ZNF804A: variants seen among roughly 807,000 people sequenced by gnomAD.
ZNF804A encodes zinc finger protein 804A.
Under a neutral mutation model 16.5 loss-of-function variants are expected in ZNF804A, and 2 were observed. That is an observed-to-expected ratio of 0.12 (90% CI 0.05 to 0.38). The LOEUF (loss-of-function observed/expected upper bound fraction) is 0.38. ZNF804A is among the 10% of genes least tolerant of loss of function. The pLI, the probability that ZNF804A is intolerant of heterozygous loss-of-function variation, is 0.99. For synonymous variants in ZNF804A, 534 were observed against 489.6 expected, an observed-to-expected ratio of 1.09 and a Z score of -1.20; for missense variants, 1,473 against 1,390.7, an observed-to-expected ratio of 1.06 and a Z score of -0.94.
chr2:184,775,800 A>G (rs1407715539), intron 1 of ZNF804A, among the ~76,000 whole-genome samples: 1 of 151,656 alleles, frequency 6.6e-6, no homozygotes, highest in African/African-American at 2.4e-5. Context: ...AATTCTCATT[A>G]CCAAAAATGA....
chr2:184,929,538 T>A (rs979376580), intron 2 of ZNF804A, among the ~76,000 whole-genome samples: 16 of 152,132 alleles, frequency 1.1e-4, no homozygotes, highest in Non-Finnish European at 1.6e-4. Context: ...ACTTTTATAC[T>A]AAAGATTTTA....
rs141939653 is a variant in ZNF804A at position 184,698,488 on chromosome 2, C to A, written c.111+99418C>A. Among the ~76,000 whole-genome samples the A allele has an allele frequency of 2.1e-3, 325 of 152,150 alleles. 1 individual carries two copies. Among genetic ancestry groups the A allele is most frequent in the Middle Eastern group, 6.8e-3 (2 of 294 alleles). On this transcript the variant is annotated intron_variant, in intron 1 of 3. Coordinates refer to ENST00000302277, the MANE Select transcript of ZNF804A (RefSeq NM_194250.2). ...CTGAGTTAATTTATTCCGCCTTAAC[C>A]TTTGTAACTTCAATTGTTTTTTGAG... is the stretch of plus-strand genomic sequence containing the variant.
chr2:184,636,561 G>A (rs1691702552), intron 1 of ZNF804A, among the ~76,000 whole-genome samples: 1 of 138,150 alleles, frequency 7.2e-6, no homozygotes, highest in Non-Finnish European at 1.6e-5. Flanking sequence ...GTGTGTGTGT[G>A]TGTGTGTGTG....
chr2:184,904,448 T>A (rs954638908), intron 2 of ZNF804A, among the ~76,000 whole-genome samples: 6 of 152,052 alleles, frequency 3.9e-5, no homozygotes, highest in Non-Finnish European at 7.4e-5. Flanking sequence ...AATAGTCGAC[T>A]AAGTTGCTCA....
intron 1 of ZNF804A, among the ~76,000 whole-genome samples, chr2:184,845,546 G>A (rs559501181): frequency 6.6e-6 from 1 of 152,168 alleles, no homozygotes; most frequent in African/African-American, 2.4e-5. Flanking sequence ...AAGGCTATGG[G>A]GTCTGGACTG....
intron 2 of ZNF804A, among the ~76,000 whole-genome samples, chr2:184,889,205 G>GTATT (rs1684944060): frequency 6.6e-6 from 1 of 150,746 alleles, no homozygotes; most frequent in South Asian, 2.1e-4. Context: ...GTTTCTTTCA[G>GTATT]TATTTAAATT....
At chr2:184,745,666 A>T (rs1693779766) in intron 1 of ZNF804A, among the ~76,000 whole-genome samples, 1 of 151,550 alleles carries the variant, frequency 6.6e-6, no homozygotes, top group African/African-American at 2.4e-5. Flanking sequence ...GCATTAACAG[A>T]TATCCCATTT....
At chr2:184,738,588 C>G (rs1693669097) in intron 1 of ZNF804A, among the ~76,000 whole-genome samples, 1 of 152,016 alleles carries the variant, frequency 6.6e-6, no homozygotes, top group Non-Finnish European at 1.5e-5. Flanking sequence ...CTTTTTAGTC[C>G]CATTATATTC....
chr2:184,883,125 C>T (rs928657223), intron 2 of ZNF804A, among the ~76,000 whole-genome samples: 2 of 151,900 alleles, frequency 1.3e-5, no homozygotes, highest in Admixed American at 1.3e-4. Flanking sequence ...CACAGAAATA[C>T]AAAAAGATCT....
intron 1 of ZNF804A, among the ~76,000 whole-genome samples, chr2:184,715,538 C>T (rs1485432871): frequency 2.0e-5 from 3 of 151,966 alleles, no homozygotes; most frequent in Non-Finnish European, 4.4e-5. Context: ...CAGGCATATG[C>T]CACCATGCTC....
At chr2:184,834,031 T>A (rs1249845376) in intron 1 of ZNF804A, among the ~76,000 whole-genome samples, 3 of 152,100 alleles carry the variant, frequency 2.0e-5, no homozygotes, top group African/African-American at 7.2e-5. Context: ...TATTTTAGCA[T>A]CTATTAATGA....
chr2:184,598,998 C>T lies in ZNF804A; in HGVS notation c.39C>T (p.Leu13=), dbSNP rs1179081448. The T allele has an allele frequency of 1.2e-6, 2 of 1,613,970 alleles. No individual in the cohort carries two copies. Among genetic ancestry groups the T allele is most frequent in the Non-Finnish European group, 1.7e-6 (2 of 1,179,940 alleles). The stretch of plus-strand genomic sequence containing the variant: ...ACATTGTCATCAGCTCCACGCATCT[C>T]AGCAACGGACACTTTCGCAACATCA... ...CYYIVISSTH[L]SNGHFRNIKG... is the part of the protein sequence containing the mutation. Residue 13 remains leucine (L), a synonymous_variant, in exon 1 of 4, where the codon CTC becomes CTT. Coordinates refer to ENST00000302277, the MANE Select transcript of ZNF804A (RefSeq NM_194250.2).
rs1574280407 is a variant in ZNF804A, at chr2:184,939,196, T to C, written c.*170T>C. On this transcript the variant is annotated 3_prime_UTR_variant, in exon 4 of 4. Transcript: ENST00000302277. ...AAGTGCAATGATGCAAATAAATCCC[T>C]AAGTTTCTGATATATAATATTATTA... 1.4e-6 allele frequency: 1 copy of C among 728,164 alleles called. No individual in the cohort carries two copies. The highest frequency in any genetic ancestry group is 2.7e-5 in the East Asian group (1 of 37,392). 45.1% of individuals were successfully genotyped at this position (728,164 alleles called of 1,614,324 possible).
At position 184,692,102 on chromosome 2, in the gene ZNF804A, G is replaced by A. The variant is rs146369347; in HGVS notation, c.111+93032G>A. 2.1e-3 allele frequency among the ~76,000 whole-genome samples: 327 copies of A among 152,194 alleles called. 1 individual carries two copies. Among genetic ancestry groups the A allele is most frequent in the Middle Eastern group, 6.8e-3 (2 of 292 alleles). ...AAAAATAGCATAGCATTTTATTTTA[G>A]GAATCAAAAGCAGACAGCAGTTGTT... On this transcript the variant is annotated intron_variant, in intron 1 of 3. Coordinates refer to ENST00000302277, the MANE Select transcript of ZNF804A (RefSeq NM_194250.2).
At chr2:184,709,325 T>G (rs1693085951) in intron 1 of ZNF804A, among the ~76,000 whole-genome samples, 1 of 152,094 alleles carries the variant, frequency 6.6e-6, no homozygotes, top group South Asian at 2.1e-4. Context: ...CATGTAGATA[T>G]GAATCAGATA....
intron 2 of ZNF804A, among the ~76,000 whole-genome samples, chr2:184,880,006 A>G (rs997295916): frequency 6.6e-6 from 1 of 152,058 alleles, no homozygotes; most frequent in African/African-American, 2.4e-5. Flanking sequence ...TGTAGCAATT[A>G]CATGTTACTG....
intron 1 of ZNF804A, among the ~76,000 whole-genome samples, chr2:184,668,934 A>G (rs1270048478): frequency 6.6e-6 from 1 of 151,978 alleles, no homozygotes; most frequent in Non-Finnish European, 1.5e-5. Context: ...CTTGGTCAGC[A>G]GAACATCTAA....
intron 1 of ZNF804A, among the ~76,000 whole-genome samples, chr2:184,656,968 C>T (rs139417547): frequency 6.6e-6 from 1 of 152,118 alleles, no homozygotes; most frequent in East Asian, 1.9e-4. Flanking sequence ...TTTATGTTTT[C>T]CAATTAGGTC....
intron 1 of ZNF804A, among the ~76,000 whole-genome samples, chr2:184,679,319 C>G (rs577636333): frequency 3.3e-5 from 5 of 152,336 alleles, no homozygotes; most frequent in Admixed American, 6.5e-5. Flanking sequence ...ATTGCGATGG[C>G]AGCGGGGACC....
Sources: gnomAD v4.1 joint callset for allele counts (sites outside exome capture counted in the v4.1 genomes callset) on GRCh38, gnomAD v4.1.1 for gene constraint, MANE v1.5 for transcripts, NCBI Gene and HGNC (gene_info 2026-07-23, HGNC 2026-07-21) for gene names.